THEMIS: variants seen among roughly 807,000 people sequenced by gnomAD.
The protein encoded by THEMIS is protein THEMIS.
Under a neutral mutation model 52.6 loss-of-function variants are expected in THEMIS, and 37 were observed. The observed-to-expected ratio is 0.70, with a 90% CI of 0.54 to 0.93. The LOEUF is 0.93. Ranked by LOEUF, THEMIS falls within the 40% of genes least tolerant of loss-of-function variation. The pLI, the probability that THEMIS is intolerant of heterozygous loss-of-function variation, is 0.00. For synonymous variants in THEMIS, 292 were observed against 272.7 expected, an observed-to-expected ratio of 1.07 and a Z score of -0.70; for missense variants, 808 against 763.1, an observed-to-expected ratio of 1.06 and a Z score of -0.69.
intron 1 of THEMIS, among the ~76,000 whole-genome samples, chr6:127,870,085 G>T (rs1425769805): frequency 6.6e-6 from 1 of 152,188 alleles, no homozygotes; most frequent in Non-Finnish European, 1.5e-5. Context: ...ATCAGGAGGA[G>T]AGCCTGGACT....
At position 127,812,938 on chromosome 6, in the gene THEMIS, A is replaced by C; in HGVS notation, c.1703T>G (p.Leu568Ter). 6.2e-7 allele frequency: 1 copy of C among 1,613,954 alleles called. No homozygotes were observed. ...PKHPSVEETK[L>*]TLLTLAEERT... ...TTCTTCTGCTAAGGTTAGCAGGGTT[A>C]ACTTTGTTTCCTCTACTGAGGGGTG... Residue 568 changes from leucine to a stop codon, truncating the protein, a stop_gained, in exon 4 of 6, where the codon TTA becomes TGA. Transcript: ENST00000368248. LOFTEE classifies it high-confidence loss of function.
chr6:127,734,377 A>G (rs747711675), intron 4 of THEMIS, among the ~76,000 whole-genome samples: 2 of 152,182 alleles, frequency 1.3e-5, no homozygotes, highest in East Asian at 1.9e-4. Context: ...AAAAAATCCA[A>G]TGGGGGCGAA....
intron 4 of THEMIS, among the ~76,000 whole-genome samples, chr6:127,742,767 G>A (rs377224778): frequency 3.3e-5 from 5 of 152,000 alleles, no homozygotes; most frequent in South Asian, 2.1e-4. Flanking sequence ...GGGGCTGGGG[G>A]TGGGGGAGAA....
At chr6:127,774,934 C>T (rs1486934556) in intron 4 of THEMIS, among the ~76,000 whole-genome samples, 2 of 152,120 alleles carry the variant, frequency 1.3e-5, no homozygotes, top group African/African-American at 4.8e-5. Context: ...CACACATTTC[C>T]ACCTTACGAT....
chr6:127,831,219 A>C (rs1294096912), intron 2 of THEMIS, among the ~76,000 whole-genome samples: 1 of 152,136 alleles, frequency 6.6e-6, no homozygotes, highest in Non-Finnish European at 1.5e-5. Flanking sequence ...CTACAATAAA[A>C]TTTTACTACT....
At chr6:127,781,811 C>T (rs1032600158) in intron 4 of THEMIS, among the ~76,000 whole-genome samples, 5 of 152,114 alleles carry the variant, frequency 3.3e-5, no homozygotes, top group Non-Finnish European at 7.4e-5. Flanking sequence ...CTGGAGCTCT[C>T]CTGTATGAGG....
chr6:127,707,039 C>T (rs1377215442), downstream of THEMIS, among the ~76,000 whole-genome samples: 2 of 152,084 alleles, frequency 1.3e-5, no homozygotes, highest in Non-Finnish European at 2.9e-5. Context: ...GGGAAGCAAA[C>T]ACGTCCTTCT....
At chr6:127,907,594 C>T (rs184159886) in intron 1 of THEMIS, among the ~76,000 whole-genome samples, 1 of 151,670 alleles carries the variant, frequency 6.6e-6, no homozygotes, top group South Asian at 2.1e-4. Flanking sequence ...TTCAGGTTCA[C>T]GGGCTCTACT....
At chr6:127,795,560 C>T (rs562348796) in intron 4 of THEMIS, among the ~76,000 whole-genome samples, 3 of 152,270 alleles carry the variant, frequency 2.0e-5, no homozygotes, top group African/African-American at 7.2e-5. Flanking sequence ...GATCTCCTGA[C>T]CTCGTGATCT....
chr6:127,818,862 G>C (rs1176058045), intron 3 of THEMIS, among the ~76,000 whole-genome samples: 1 of 152,016 alleles, frequency 6.6e-6, no homozygotes, highest in African/African-American at 2.4e-5. Context: ...GCTCACGCCT[G>C]TAATCCCAGG....
At chr6:127,918,093 A>G (rs1445082793) in intron 1 of THEMIS, among the ~76,000 whole-genome samples, 2 of 152,182 alleles carry the variant, frequency 1.3e-5, no homozygotes, top group Non-Finnish European at 2.9e-5. Flanking sequence ...TTCTTTAGCT[A>G]TATTCTTGGA....
intron 2 of THEMIS, among the ~76,000 whole-genome samples, chr6:127,842,911 G>A (rs556736364): frequency 6.6e-6 from 1 of 151,886 alleles, no homozygotes; most frequent in Admixed American, 6.6e-5. Context: ...TGTGCAACTC[G>A]GGCTCACTGT....
intron 4 of THEMIS, among the ~76,000 whole-genome samples, chr6:127,787,571 G>T (rs1448009281): frequency 2.0e-5 from 3 of 152,070 alleles, no homozygotes; most frequent in Admixed American, 6.6e-5. Context: ...TGTGTGTAAA[G>T]AACTCCATAC....
chr6:127,884,077 A>G (rs1219883385), intron 1 of THEMIS, among the ~76,000 whole-genome samples: 1 of 152,100 alleles, frequency 6.6e-6, no homozygotes, highest in Non-Finnish European at 1.5e-5. Flanking sequence ...TATTCCTGAC[A>G]TTCTCTCAAT....
chr6:127,912,827 G>T (rs1677841789), intron 1 of THEMIS, among the ~76,000 whole-genome samples: 1 of 152,158 alleles, frequency 6.6e-6, no homozygotes, highest in East Asian at 1.9e-4. Flanking sequence ...ATACCTGTTT[G>T]TATTTTATAA....
In THEMIS at chr6:127,709,615, G is replaced by A. The variant is rs557146709; in HGVS notation, c.*370C>T. 5.5e-4 allele frequency: 95 copies of A among 172,848 alleles called. No homozygotes were observed. The highest frequency in any genetic ancestry group is 1.0e-3 in the Non-Finnish European group (83 of 82,086). The allele number at this position is 172,848 out of a possible 1,614,324, so 10.7% of individuals were successfully genotyped here. The stretch of plus-strand genomic sequence containing the variant: ...TTCTGGAAAAAAAAGAAAATATTTG[G>A]TGGCTTTTATCCTATTTCAGACTGG... On this transcript the variant is annotated 3_prime_UTR_variant, in exon 6 of 6. Coordinates refer to ENST00000368248, the MANE Select transcript of THEMIS (RefSeq NM_001010923.3).
At chr6:127,893,953 T>C (rs866330108) in intron 1 of THEMIS, among the ~76,000 whole-genome samples, 29 of 151,406 alleles carry the variant, frequency 1.9e-4, no homozygotes, top group Middle Eastern at 3.4e-3. Context: ...TCTAAAAAAA[T>C]AGAACCTAAA....
At chr6:127,761,272 C>G (rs1776012275) in intron 4 of THEMIS, among the ~76,000 whole-genome samples, 1 of 152,046 alleles carries the variant, frequency 6.6e-6, no homozygotes, top group South Asian at 2.1e-4. Flanking sequence ...AAAGGTACAG[C>G]TGAGACAGGC....
intron 1 of THEMIS, among the ~76,000 whole-genome samples, chr6:127,855,466 T>C (rs1779588195): frequency 6.6e-6 from 1 of 151,946 alleles, no homozygotes; most frequent in Non-Finnish European, 1.5e-5. Context: ...CTTACCATGG[T>C]CAAACTACAA....
Sources: allele counts gnomAD v4.1 joint callset (sites outside exome capture counted in the v4.1 genomes callset), GRCh38; gene constraint gnomAD v4.1.1; transcripts MANE v1.5; gene names NCBI Gene and HGNC (gene_info 2026-07-23, HGNC 2026-07-21).